PUS7L: variants seen among roughly 807,000 people sequenced by gnomAD.
PUS7L encodes pseudouridine synthase 7 like, also known as pseudouridylate synthase PUS7L.
PUS7L carries 49 observed loss-of-function variants against 51.1 expected under a neutral mutation model. That is an observed-to-expected ratio of 0.96 (90% CI 0.76 to 1.22). The LOEUF is 1.22. PUS7L is among the 50% of genes most tolerant of loss of function. PUS7L has a pLI of 0.00. For synonymous variants in PUS7L, 277 were observed against 276.2 expected (o/e 1.00, Z -0.03); for missense variants, 828 against 820.6 (o/e 1.01, Z -0.11).
At chr12:43,732,134 C>A (rs891166802) in intron 7 of PUS7L, among the ~76,000 whole-genome samples, 6 of 151,880 alleles carry the variant, frequency 4.0e-5, no homozygotes, top group African/African-American at 1.2e-4. Flanking sequence ...ATCTCTGTCC[C>A]CCGAAAATAT....
At chr12:43,731,338 C>A (rs1417519161) in intron 8 of PUS7L, among the ~76,000 whole-genome samples, 1 of 152,106 alleles carries the variant, frequency 6.6e-6, no homozygotes, top group East Asian at 1.9e-4. Flanking sequence ...ATGCCAGACA[C>A]AAAAGGCCAT....
In PUS7L at chr12:43,725,322, A is replaced by G. The variant is rs1944439905; in HGVS notation, c.*5054T>C. 1 of 152,216 alleles carries G rather than the reference A, an allele frequency of 6.6e-6. No individual in the cohort carries two copies. The highest frequency in any genetic ancestry group is 1.5e-5 in the Non-Finnish European group (1 of 68,046). 9.4% of individuals were successfully genotyped at this position (152,216 alleles called of 1,614,324 possible). On this transcript the variant is annotated 3_prime_UTR_variant, in exon 9 of 9. Coordinates refer to ENST00000344862, the MANE Select transcript of PUS7L (RefSeq NM_031292.5). ...TACTTTATATTTTGGTCTCAGAATC[A>G]AAAGGTATCTTGTCTCTCCCAAGAC...
rs1938944870 is a variant in PUS7L at position 43,758,293 on chromosome 12, A to G, written c.-17+437T>C. The G allele has an allele frequency of 3.0e-6, 3 of 985,078 alleles. No individual in the cohort carries two copies. In the South Asian group the frequency reaches 1.4e-4, roughly 46 times the overall value. 61.0% of individuals were successfully genotyped at this position (985,078 alleles called of 1,614,324 possible). A position where few individuals can be genotyped will look rare whatever the true frequency, so the allele number is the denominator to read the frequency against. ...TAGAAGAGTGGAACTGACCTGGAGG[A>G]CAGCAAAGGAGCCCACGTGGCGTTA... On this transcript the variant is annotated intron_variant, in intron 1 of 8. Coordinates refer to ENST00000344862, the MANE Select transcript of PUS7L (RefSeq NM_031292.5).
In PUS7L at chr12:43,721,076, G is replaced by A. The variant is rs2137638822; in HGVS notation, c.*9300C>T. 1 of 152,184 alleles carries A rather than the reference G, an allele frequency of 6.6e-6. No individual in the cohort carries two copies. Among genetic ancestry groups the A allele is most frequent in the African/African-American group, 2.4e-5 (1 of 41,508 alleles). The allele number at this position is 152,184 out of a possible 1,614,324, so 9.4% of individuals were successfully genotyped here. On this transcript the variant is annotated 3_prime_UTR_variant, in exon 9 of 9. Coordinates refer to ENST00000344862, the MANE Select transcript of PUS7L (RefSeq NM_031292.5). Reference sequence around the variant, plus strand: ...TGAATTTTCCCCAACTTTCCTTAATGTCATAAAGTTTTAGAAATATGCAGA... The same window carrying A: ...TGAATTTTCCCCAACTTTCCTTAATATCATAAAGTTTTAGAAATATGCAGA...
At chr12:43,753,945 A>T (rs1018394314) in intron 2 of PUS7L, among the ~76,000 whole-genome samples, 1 of 152,174 alleles carries the variant, frequency 6.6e-6, no homozygotes, top group Non-Finnish European at 1.5e-5. Context: ...CAAGCACAGT[A>T]AATATATTCT....
intron 2 of PUS7L, among the ~76,000 whole-genome samples, chr12:43,752,167 G>A (rs947201615): frequency 6.6e-6 from 1 of 152,026 alleles, no homozygotes; most frequent in Non-Finnish European, 1.5e-5. Flanking sequence ...ACTCTGATGG[G>A]CTGCAGTTAT....
Position 43,755,102 on chromosome 12 carries a change from C to A in PUS7L, c.144G>T (p.Lys48Asn), listed in dbSNP as rs1938637177. The change falls in exon 2 of 9, where the codon AAG becomes AAT. Residue 48 changes from lysine (K) to asparagine (N), a missense_variant. Lys to Asn is a moderately conservative substitution (Grantham distance 94). Coordinates refer to ENST00000344862, the MANE Select transcript of PUS7L (RefSeq NM_031292.5). ...TCTTGAAAATAGGCTCATCGATGGTCTTATTAACTAACTGTCCCTGTTCAT... is the reference window on the plus strand; with the variant it reads ...TCTTGAAAATAGGCTCATCGATGGTATTATTAACTAACTGTCCCTGTTCAT... ...EIDEQGQLVN[K>N]TIDEPIFKIS... The A allele has an allele frequency of 6.2e-7, 1 of 1,613,552 alleles. No homozygotes were observed. The highest frequency in any genetic ancestry group is 8.5e-7 in the Non-Finnish European group (1 of 1,179,768).
At chr12:43,758,659 C>CG in intron 1 of PUS7L, 71 bp downstream of exon 1, 1 of 727,162 alleles carries the variant, frequency 1.4e-6, no homozygotes, top group South Asian at 7.4e-5. Flanking sequence ...TCGTCACCCC[C>CG]CCCCCCCACA....
intron 6 of PUS7L, 21 bp from the exon 7 acceptor site, chr12:43,736,682 G>T: frequency 6.3e-7 from 1 of 1,599,192 alleles, no homozygotes; most frequent in Non-Finnish European, 8.5e-7. Flanking sequence ...GGGTAAATCA[G>T]GTATAGTTAG....
At position 43,720,597 on chromosome 12, in the gene PUS7L, T is replaced by C. The variant is rs1448445080; in HGVS notation, c.*9779A>G. On this transcript the variant is annotated 3_prime_UTR_variant, in exon 9 of 9. Coordinates refer to ENST00000344862, the MANE Select transcript of PUS7L (RefSeq NM_031292.5). Reference sequence around the variant, plus strand: ...TGGCAAAAGAATATACTCATATGGTTTCAGTCATTTGAAATTTTATTGCAT... The same window carrying C: ...TGGCAAAAGAATATACTCATATGGTCTCAGTCATTTGAAATTTTATTGCAT... 6.6e-6 allele frequency: 1 copy of C among 152,240 alleles called. No individual in the cohort carries two copies. Among genetic ancestry groups the C allele is most frequent in the Non-Finnish European group, 1.5e-5 (1 of 68,048 alleles). 9.4% of individuals were successfully genotyped at this position (152,240 alleles called of 1,614,324 possible). A position where few individuals can be genotyped will look rare whatever the true frequency, so the allele number is the denominator to read the frequency against.
At chr12:43,730,999 CTT>C (rs956221577) in intron 8 of PUS7L, among the ~76,000 whole-genome samples, 6 of 152,104 alleles carry the variant, frequency 3.9e-5, no homozygotes, top group Admixed American at 6.5e-5. Context: ...CTGATAAAGA[CTT>C]AATCTGTATA....
At chr12:43,731,532 T>A (rs550253853) in intron 8 of PUS7L, among the ~76,000 whole-genome samples, 173 bp downstream of exon 8, 1 of 152,186 alleles carries the variant, frequency 6.6e-6, no homozygotes, top group Admixed American at 6.5e-5. Context: ...ATCAAAAATA[T>A]GTTTATCAAA....
intron 1 of PUS7L, among the ~76,000 whole-genome samples, chr12:43,757,331 CG>C (rs1375945014): frequency 2.0e-5 from 3 of 152,094 alleles, no homozygotes; most frequent in African/African-American, 7.2e-5. Flanking sequence ...CCACCACGCC[CG>C]GCTAATTCTT....
At chr12:43,758,409 T>C (rs1430364783) in intron 1 of PUS7L, 2 of 985,422 alleles carry the variant, frequency 2.0e-6, no homozygotes, top group Non-Finnish European at 2.4e-6. Flanking sequence ...GAGGAATTCG[T>C]TGGCGGAGGA....
rs764233233 is a variant in PUS7L at position 43,730,664 on chromosome 12, C to T, written c.1818G>A (p.Pro606=). ...GGTACCACTGCCCTACTTTGTTCTTCGGGTACTGAATATTGTATCCAAGTA... is the reference window on the plus strand; with the variant it reads ...GGTACCACTGCCCTACTTTGTTCTTTGGGTACTGAATATTGTATCCAAGTA... ...LPVLGYNIQY[P]KNKVGQWYHD... Residue 606 remains proline (P), a synonymous_variant, in exon 9 of 9, where the codon CCG becomes CCA. Transcript: ENST00000344862. 86 of 1,612,634 alleles carry T rather than the reference C, an allele frequency of 5.3e-5. No individual in the cohort carries two copies. The highest frequency in any genetic ancestry group is 1.5e-4 in the African/African-American group (11 of 74,830).
chr12:43,758,774 G>T lies in PUS7L; in HGVS notation c.-61C>A. On this transcript the variant is annotated 5_prime_UTR_variant, in exon 1 of 9. Transcript: ENST00000344862. The stretch of plus-strand genomic sequence containing the variant: ...TTCATTTGCACAACGCTGTGCGCAT[G>T]CCCGGAAGCCTTAAGTGTTTCAGCC... The T allele has an allele frequency of 1.0e-6, 1 of 967,910 alleles. No homozygotes were observed. Among genetic ancestry groups the T allele is most frequent in the Non-Finnish European group, 1.2e-6 (1 of 814,708 alleles). 60.0% of individuals were successfully genotyped at this position (967,910 alleles called of 1,614,324 possible). A position where few individuals can be genotyped will look rare whatever the true frequency, so the allele number is the denominator to read the frequency against.
chr12:43,748,760 T>C, intron 2 of PUS7L, 151 bp from the exon 3 acceptor site: 2 of 695,404 alleles, frequency 2.9e-6, no homozygotes, highest in Non-Finnish European at 4.6e-6. Context: ...AGTGTCACTC[T>C]GTCACCAGGC....
intron 7 of PUS7L, 74 bp from the exon 8 acceptor site, chr12:43,731,832 A>T (rs1565628736): frequency 1.2e-6 from 1 of 828,722 alleles, no homozygotes; most frequent in Non-Finnish European, 2.0e-6. Flanking sequence ...ATTTTCCCTA[A>T]CTCTATTATA....
intron 2 of PUS7L, among the ~76,000 whole-genome samples, chr12:43,752,229 G>A (rs564712208): frequency 7.2e-5 from 11 of 151,980 alleles, no homozygotes; most frequent in Admixed American, 1.3e-4. Flanking sequence ...GCTCATTTAC[G>A]TGGCTGGAAG....
Sources: gnomAD v4.1 joint callset for allele counts (sites outside exome capture counted in the v4.1 genomes callset) on GRCh38, gnomAD v4.1.1 for gene constraint, MANE v1.5 for transcripts, NCBI Gene and HGNC (gene_info 2026-07-23, HGNC 2026-07-21) for gene names.